The following MYO9A variants were observed in gnomAD, a reference collection of about 807,000 sequenced individuals.
MYO9A encodes unconventional myosin-IXa.
A neutral mutation model predicts 293.3 loss-of-function variants in MYO9A; 103 were observed. That is an observed-to-expected ratio of 0.35 (90% CI 0.30 to 0.41). The LOEUF (loss-of-function observed/expected upper bound fraction) is 0.41. Ranked by LOEUF, MYO9A falls within the 10% of genes least tolerant of loss-of-function variation. The pLI is 1.00. For synonymous variants in MYO9A, 1,001 were observed against 1,035.7 expected (o/e 0.97, Z 0.64); for missense variants, 2,685 against 3,033.0 (o/e 0.89, Z 2.69).
chr15:71,827,417 A>T (rs1324009385), intron 41 of MYO9A, among the ~76,000 whole-genome samples: 1 of 152,084 alleles, frequency 6.6e-6, no homozygotes, highest in African/African-American at 2.4e-5. Flanking sequence ...AATGCCTGCC[A>T]CCCTCAGAAA....
chr15:71,938,684 T>C lies in MYO9A; in HGVS notation c.2378+168A>G. The C allele has an allele frequency of 2.1e-6, 1 of 470,890 alleles. No homozygotes were observed. Among genetic ancestry groups the C allele is most frequent in the Non-Finnish European group, 3.5e-6 (1 of 282,852 alleles). The allele number at this position is 470,890 out of a possible 1,614,324, so 29.2% of individuals were successfully genotyped here. On this transcript the variant is annotated intron_variant, in intron 16 of 41. Transcript: ENST00000356056. ...CAGAAGCAACTGTAGACAAATCTTGTTAACTTTAACCTATTAATGTGTTAT... is the reference window on the plus strand; with the variant it reads ...CAGAAGCAACTGTAGACAAATCTTGCTAACTTTAACCTATTAATGTGTTAT...
chr15:71,978,073 T>C lies in MYO9A; in HGVS notation c.1844+98A>G, dbSNP rs111512348. On this transcript the variant is annotated intron_variant, in intron 12 of 41. Transcript: ENST00000356056. Reference sequence around the variant, plus strand: ...AAAAAATAAATTGTACAAAAAAAATTTGGCTCTTTATTTGGTAATGTAAGA... The same window carrying C: ...AAAAAATAAATTGTACAAAAAAAATCTGGCTCTTTATTTGGTAATGTAAGA... 157 of 1,318,570 alleles carry C rather than the reference T, an allele frequency of 1.2e-4. 3 individuals are homozygous for C. In the African/African-American group the frequency reaches 1.7e-3, roughly 14 times the overall value. The allele number at this position is 1,318,570 out of a possible 1,614,324, so 81.7% of individuals were successfully genotyped here.
chr15:71,998,418 A>T (rs2076763211), intron 9 of MYO9A, among the ~76,000 whole-genome samples: 2 of 152,276 alleles, frequency 1.3e-5, no homozygotes, highest in Non-Finnish European at 2.9e-5. Flanking sequence ...CTATATAACA[A>T]ACCTGCACTA....
chr15:72,037,391 T>C (rs2078086239), intron 2 of MYO9A, among the ~76,000 whole-genome samples: 1 of 151,868 alleles, frequency 6.6e-6, no homozygotes, highest in Non-Finnish European at 1.5e-5. Context: ...TGCACAGCAC[T>C]GCACATGCCC....
chr15:72,045,662 C>A (rs144778826), intron 2 of MYO9A, 62 bp downstream of exon 2: 5 of 1,481,924 alleles, frequency 3.4e-6, no homozygotes, highest in South Asian at 1.4e-5. Flanking sequence ...AATGGTACAC[C>A]CCCCCACCTC....
intron 10 of MYO9A, among the ~76,000 whole-genome samples, 153 bp downstream of exon 10, chr15:71,994,316 G>A (rs936095688): frequency 6.6e-6 from 1 of 152,266 alleles, no homozygotes; most frequent in Admixed American, 6.5e-5. Context: ...AAGACACACA[G>A]AACAATTCTT....
intron 13 of MYO9A, among the ~76,000 whole-genome samples, chr15:71,962,176 C>T (rs1478148008): frequency 6.6e-6 from 1 of 152,172 alleles, no homozygotes; most frequent in Non-Finnish European, 1.5e-5. Flanking sequence ...ACTCTGGGAA[C>T]AAGGGCCCAG....
intron 23 of MYO9A, among the ~76,000 whole-genome samples, 196 bp from the exon 24 acceptor site, chr15:71,900,202 A>G (rs1165053965): frequency 6.6e-6 from 1 of 152,180 alleles, no homozygotes. Context: ...TTGGAGGCTA[A>G]GGCAGGCAGA....
intron 18 of MYO9A, among the ~76,000 whole-genome samples, chr15:71,930,039 G>A (rs145629892): frequency 1.4e-3 from 211 of 152,254 alleles, no homozygotes; most frequent in African/African-American, 4.5e-3. Context: ...GTTTGGTAGT[G>A]TTGCATCATG....
At chr15:71,947,997 AGAGAAGAGCCACTTTG>A (rs1260833829) in intron 15 of MYO9A, among the ~76,000 whole-genome samples, 1 of 152,208 alleles carries the variant, frequency 6.6e-6, no homozygotes, top group East Asian at 1.9e-4. Flanking sequence ...GAGAAATTTC[AGAGAAGAGCCACTTTG>A]GAGAGAAGGC....
chr15:71,837,544 T>G (rs1595996512), intron 39 of MYO9A, among the ~76,000 whole-genome samples: 1 of 152,184 alleles, frequency 6.6e-6, no homozygotes, highest in South Asian at 2.1e-4. Flanking sequence ...CAGTATTCAA[T>G]AAAAGAGCTG....
intron 16 of MYO9A, 132 bp downstream of exon 16, chr15:71,938,720 A>T (rs769832777): frequency 2.1e-5 from 15 of 705,848 alleles, no homozygotes; most frequent in Non-Finnish European, 3.3e-5. Context: ...TACATCACTT[A>T]TAAAGGATTC....
intron 11 of MYO9A, among the ~76,000 whole-genome samples, chr15:71,984,492 T>G (rs2076359667): frequency 6.6e-6 from 1 of 152,232 alleles, no homozygotes; most frequent in East Asian, 1.9e-4. Flanking sequence ...TTGACAGTTT[T>G]GGAACATTCT....
intron 30 of MYO9A, among the ~76,000 whole-genome samples, chr15:71,879,119 G>T (rs1239810382): frequency 6.6e-6 from 1 of 151,946 alleles, no homozygotes; most frequent in Non-Finnish European, 1.5e-5. Context: ...AGAATATATT[G>T]AACAATGAAA....
At chr15:71,967,043 G>A (rs954419902) in intron 13 of MYO9A, among the ~76,000 whole-genome samples, 2 of 151,868 alleles carry the variant, frequency 1.3e-5, no homozygotes, top group African/African-American at 2.4e-5. Flanking sequence ...TTCATCATCC[G>A]AACTCCTCAT....
At chr15:71,840,448 G>C (rs1198459700) in intron 39 of MYO9A, among the ~76,000 whole-genome samples, 1 of 152,130 alleles carries the variant, frequency 6.6e-6, no homozygotes. Flanking sequence ...GCCAAGTGGA[G>C]CCCATGGTAG....
At chr15:71,887,978 C>G in intron 27 of MYO9A, 26 bp downstream of exon 27, 1 of 1,306,188 alleles carries the variant, frequency 7.7e-7, no homozygotes, top group Non-Finnish European at 1.1e-6. Flanking sequence ...TATATAACCC[C>G]TGTTAACTCC....
intron 1 of MYO9A, among the ~76,000 whole-genome samples, chr15:72,064,563 G>A (rs1315070477): frequency 6.6e-6 from 1 of 152,088 alleles, no homozygotes; most frequent in Non-Finnish European, 1.5e-5. Flanking sequence ...TATTTTTGGT[G>A]GTAATTACAC....
At chr15:72,059,091 C>T (rs962834225) in intron 1 of MYO9A, among the ~76,000 whole-genome samples, 5 of 152,108 alleles carry the variant, frequency 3.3e-5, no homozygotes, top group Middle Eastern at 3.4e-3. Flanking sequence ...GTCAAGTTAC[C>T]TCTCTGTATA....
Sources: allele counts gnomAD v4.1 joint callset (sites outside exome capture counted in the v4.1 genomes callset), GRCh38; gene constraint gnomAD v4.1.1; transcripts MANE v1.5; gene names NCBI Gene and HGNC (gene_info 2026-07-23, HGNC 2026-07-21).